Variants in GSE1 observed in about 807,000 individuals in gnomAD.
The protein encoded by GSE1 is Gse1 coiled-coil protein.
Under a neutral mutation model 112.6 loss-of-function variants are expected in GSE1, and 32 were observed. That is an observed-to-expected ratio of 0.28 (90% CI 0.21 to 0.38). The LOEUF (loss-of-function observed/expected upper bound fraction) is 0.38, where lower values mean the gene tolerates loss of function less well. GSE1 is among the 10% of genes least tolerant of loss of function. The pLI, the probability that GSE1 is intolerant of heterozygous loss-of-function variation, is 1.00. For synonymous variants in GSE1, 1,115 were observed against 735.6 expected, an observed-to-expected ratio of 1.52 and a Z score of -8.35; for missense variants, 2,348 against 1,699.2, an observed-to-expected ratio of 1.38 and a Z score of -6.71.
intron 2 of GSE1, among the ~76,000 whole-genome samples, chr16:85,452,631 A>G (rs1432414080): frequency 6.6e-6 from 1 of 152,240 alleles, no homozygotes; most frequent in Admixed American, 6.5e-5. Context: ...CAGTGGGCCC[A>G]GGCTGTTCCC....
intron 1 of GSE1, among the ~76,000 whole-genome samples, chr16:85,603,334 A>G (rs2047549364): frequency 6.6e-6 from 1 of 152,164 alleles, no homozygotes; most frequent in Non-Finnish European, 1.5e-5. Flanking sequence ...CTGGGTCATG[A>G]CTGGCTTCGC....
chr16:85,545,818 T>C (rs1396627889), intron 2 of GSE1, among the ~76,000 whole-genome samples: 1 of 152,232 alleles, frequency 6.6e-6, no homozygotes, highest in Non-Finnish European at 1.5e-5. Context: ...AGAGTCTCAC[T>C]GTCGCCCAGG....
intron 1 of GSE1, among the ~76,000 whole-genome samples, chr16:85,577,942 G>A (rs918177552): frequency 6.6e-5 from 10 of 152,358 alleles, no homozygotes; most frequent in African/African-American, 2.4e-4. Context: ...GCAGAGCCCG[G>A]CTTGCTGCTG....
In GSE1 at chr16:85,257,209, A is replaced by G. The variant is rs1235048903; in HGVS notation, c.2283+85402A>G. On this transcript the variant is annotated intron_variant, in intron 1 of 2. Transcript: ENST00000637419. ...CTGCAACCTCCACCTCCTGGGTTCA[A>G]GCGATTCGCCTGCTTCATCCTCCCG... is the stretch of plus-strand genomic sequence containing the variant. Among the ~76,000 whole-genome samples, 3 of 152,192 alleles carry G rather than the reference A, an allele frequency of 2.0e-5. No individual in the cohort carries two copies. In the East Asian group the frequency reaches 5.8e-4, roughly 29 times the overall value.
At chr16:85,516,828 C>G (rs1271109850) in intron 2 of GSE1, among the ~76,000 whole-genome samples, 1 of 142,174 alleles carries the variant, frequency 7.0e-6, no homozygotes. Flanking sequence ...GACGGAGTCT[C>G]GCTCTATCGC....
intron 2 of GSE1, among the ~76,000 whole-genome samples, chr16:85,524,911 T>C (rs1567560374): frequency 1.3e-5 from 2 of 152,132 alleles, no homozygotes; most frequent in African/African-American, 4.8e-5. Flanking sequence ...CCCGAGGCCA[T>C]GGAGGCTGCC....
Position 85,300,584 on chromosome 16 carries a change from C to T in GSE1, c.2284-56879C>T, listed in dbSNP as rs972668776. On this transcript the variant is annotated intron_variant, in intron 1 of 2. Coordinates refer to the GSE1 transcript ENST00000637419. ...TCTGGCTGCTTTCACTCAGCAGCGTCGTCAGGGTCTACTGCGTTGCAGGGG... is the reference window on the plus strand; with the variant it reads ...TCTGGCTGCTTTCACTCAGCAGCGTTGTCAGGGTCTACTGCGTTGCAGGGG... 5.3e-5 allele frequency among the ~76,000 whole-genome samples: 8 copies of T among 152,308 alleles called. 1 individual carries two copies. Among genetic ancestry groups the T allele is most frequent in the Admixed American group, 1.3e-4 (2 of 15,304 alleles).
chr16:85,280,908 G>T (rs2044838494), intron 1 of GSE1, among the ~76,000 whole-genome samples: 1 of 152,100 alleles, frequency 6.6e-6, no homozygotes, highest in South Asian at 2.1e-4. Flanking sequence ...GGGTCCCGTG[G>T]GTCCTCGGGC....
chr16:85,216,476 T>TATAATA (rs1171761569), intron 1 of GSE1, among the ~76,000 whole-genome samples: 1 of 152,240 alleles, frequency 6.6e-6, no homozygotes, highest in African/African-American at 2.4e-5. Flanking sequence ...GTTATCTGAT[T>TATAATA]ATAATAATTC....
At chr16:85,625,182 G>A (rs2048987104) in intron 1 of GSE1, among the ~76,000 whole-genome samples, 4 of 152,194 alleles carry the variant, frequency 2.6e-5, no homozygotes, top group East Asian at 3.9e-4. Context: ...TGCCAGTCCC[G>A]CCCTTCCCGC....
At position 85,371,706 on chromosome 16, in the gene GSE1, GGT is replaced by G. The variant is rs1444608902; in HGVS notation, c.2464+14065_2464+14066del. 5.3e-5 allele frequency among the ~76,000 whole-genome samples: 8 copies of G among 152,308 alleles called. No homozygotes were observed. The East Asian group carries it at 1.5e-3, about 29-fold the overall frequency. ...CAGAGCCTGGCACCAGACACCTGAG[GGT>G]GAGCTCAGGGTGCCTCCCATCCTCC... On this transcript the variant is annotated intron_variant, in intron 2 of 2. Coordinates refer to the GSE1 transcript ENST00000637419.
chr16:85,362,052 T>C (rs1356238347), intron 2 of GSE1, among the ~76,000 whole-genome samples: 1 of 152,154 alleles, frequency 6.6e-6, no homozygotes, highest in Admixed American at 6.5e-5. Context: ...ACTTGCTGGC[T>C]GCCGGGAGTA....
At chr16:85,626,139 G>A (rs2049052977) in intron 1 of GSE1, among the ~76,000 whole-genome samples, 2 of 150,096 alleles carry the variant, frequency 1.3e-5, no homozygotes, top group Admixed American at 6.6e-5. Flanking sequence ...TTTTTATTTG[G>A]AAAAAAAAAA....
chr16:85,174,814 C>A lies in GSE1; in HGVS notation c.2283+3007C>A, dbSNP rs1014757228. Among the ~76,000 whole-genome samples the A allele has an allele frequency of 2.6e-5, 4 of 152,310 alleles. No individual in the cohort carries two copies. In the East Asian group the frequency reaches 7.7e-4, roughly 29 times the overall value. On this transcript the variant is annotated intron_variant, in intron 1 of 2. Transcript: ENST00000637419. ...GCTGGGGCTCCGGGCAGGGGAGAAGCCTGTGAGCCCCCTGGGGAGGGAGAG... is the reference window on the plus strand; with the variant it reads ...GCTGGGGCTCCGGGCAGGGGAGAAGACTGTGAGCCCCCTGGGGAGGGAGAG...
intron 2 of GSE1, among the ~76,000 whole-genome samples, chr16:85,367,849 T>TTTC (rs1166714114): frequency 1.3e-5 from 2 of 149,306 alleles, no homozygotes; most frequent in Admixed American, 6.7e-5. Flanking sequence ...AGATTCTTTT[T>TTTC]TTTTTTTTTT....
At chr16:85,561,091 G>A (rs1170941251) in intron 1 of GSE1, among the ~76,000 whole-genome samples, 2 of 151,468 alleles carry the variant, frequency 1.3e-5, no homozygotes, top group Non-Finnish European at 2.9e-5. Flanking sequence ...GTGATTCCAC[G>A]ACTGTACTGC....
chr16:85,543,318 T>C lies in GSE1; in HGVS notation c.2465-90596T>C, dbSNP rs116711947. Among the ~76,000 whole-genome samples, 802 of 152,152 alleles carry C rather than the reference T, an allele frequency of 5.3e-3. 7 individuals are homozygous for C. Among genetic ancestry groups the C allele is most frequent in the African/African-American group, 0.019 (790 of 41,488 alleles). On this transcript the variant is annotated intron_variant, in intron 2 of 2. Coordinates refer to the GSE1 transcript ENST00000637419. Reference sequence around the variant, plus strand: ...CCAACCGGACATAGCCTGGATTCTATAGAGATAGCAGAGGGAAGGCTAAGT... The same window carrying C: ...CCAACCGGACATAGCCTGGATTCTACAGAGATAGCAGAGGGAAGGCTAAGT...
chr16:85,171,453 G>C (rs2074357808), exon 1 of GSE1: 1 of 985,538 alleles, frequency 1.0e-6, no homozygotes, highest in South Asian at 4.7e-5. Context: ...CCACCGGCCT[G>C]GTGGCTACCT....
At chr16:85,354,175 C>T (rs907999096) in intron 1 of GSE1, among the ~76,000 whole-genome samples, 1 of 152,230 alleles carries the variant, frequency 6.6e-6, no homozygotes, top group Non-Finnish European at 1.5e-5. Context: ...TCTGTGCTCC[C>T]ATCTCCCCCG....
Sources: gnomAD v4.1 joint callset for allele counts (sites outside exome capture counted in the v4.1 genomes callset) on GRCh38, gnomAD v4.1.1 for gene constraint, MANE v1.5 for transcripts, NCBI Gene and HGNC (gene_info 2026-07-23, HGNC 2026-07-21) for gene names.